The following NFATC2 variants were observed in gnomAD, a reference collection of about 807,000 sequenced individuals.
NFATC2 encodes the protein nuclear factor of activated T-cells, cytoplasmic 2.
A neutral mutation model predicts 87.3 loss-of-function variants in NFATC2; 22 were observed. That is an observed-to-expected ratio of 0.25 (90% confidence interval 0.18 to 0.36). NFATC2 has a LOEUF of 0.36. Ranked by LOEUF, NFATC2 falls within the 10% of genes least tolerant of loss-of-function variation. The probability of loss-of-function intolerance (pLI) is 1.00; values close to 1 mark genes in which losing one functional copy is unlikely to be tolerated. For synonymous variants in NFATC2, 565 were observed against 542.2 expected (o/e 1.04, Z -0.58); for missense variants, 1,149 against 1,259.1 (o/e 0.91, Z 1.32).
At chr20:51,526,660 T>A (rs1284908608) in intron 1 of NFATC2, among the ~76,000 whole-genome samples, 2 of 152,164 alleles carry the variant, frequency 1.3e-5, no homozygotes, top group East Asian at 3.9e-4. Flanking sequence ...GCCACCCCAG[T>A]GAGCCTCAGC....
At chr20:51,430,468 C>T (rs1364518620) in intron 9 of NFATC2, among the ~76,000 whole-genome samples, 1 of 152,212 alleles carries the variant, frequency 6.6e-6, no homozygotes, top group East Asian at 1.9e-4. Context: ...AAACAGAGCA[C>T]CATGACTTTA....
chr20:51,392,510 G>C (rs1986473985), intron 10 of NFATC2, among the ~76,000 whole-genome samples: 1 of 152,230 alleles, frequency 6.6e-6, no homozygotes, highest in South Asian at 2.1e-4. Context: ...TTGGAAAGAA[G>C]AAGGTGCTAT....
intron 5 of NFATC2, among the ~76,000 whole-genome samples, chr20:51,455,541 C>T (rs1986310809): frequency 6.6e-6 from 1 of 151,322 alleles, no homozygotes; most frequent in Non-Finnish European, 1.5e-5. Flanking sequence ...TGCTTTTCTC[C>T]ATAGAGCTTT....
intron 1 of NFATC2, among the ~76,000 whole-genome samples, chr20:51,525,080 C>T (rs1288531752): frequency 3.3e-5 from 5 of 151,940 alleles, no homozygotes; most frequent in African/African-American, 1.2e-4. Context: ...ATTAGCCAGG[C>T]GTGGTGGCAC....
chr20:51,491,855 C>G (rs987894204), intron 3 of NFATC2, among the ~76,000 whole-genome samples: 2 of 142,948 alleles, frequency 1.4e-5, no homozygotes, highest in African/African-American at 5.4e-5. Context: ...CAGCCCCACC[C>G]CCACCAACAC....
chr20:51,549,785 G>A (rs766842312), intron 1 of NFATC2, among the ~76,000 whole-genome samples: 37 of 152,212 alleles, frequency 2.4e-4, no homozygotes, highest in Non-Finnish European at 5.1e-4. Context: ...GCCGGGGCTC[G>A]CTTCATGGGA....
intron 1 of NFATC2, among the ~76,000 whole-genome samples, chr20:51,551,380 G>C (rs1042966780): frequency 1.3e-5 from 2 of 152,080 alleles, no homozygotes; most frequent in Non-Finnish European, 2.9e-5. Flanking sequence ...GAGTAATGTT[G>C]ATCTTGTCTT....
chr20:51,441,128 C>G (rs1380446365), intron 6 of NFATC2, among the ~76,000 whole-genome samples: 1 of 151,908 alleles, frequency 6.6e-6, no homozygotes, highest in Non-Finnish European at 1.5e-5. Flanking sequence ...ACTACAAATA[C>G]AAAAATTAGC....
chr20:51,453,374 C>T (rs1371291185), intron 6 of NFATC2, among the ~76,000 whole-genome samples: 2 of 152,174 alleles, frequency 1.3e-5, no homozygotes, highest in African/African-American at 4.8e-5. Context: ...GTGCACAATC[C>T]CTCCAACTGG....
intron 9 of NFATC2, among the ~76,000 whole-genome samples, chr20:51,414,454 C>T (rs936424270): frequency 1.1e-4 from 17 of 152,088 alleles, no homozygotes; most frequent in South Asian, 2.1e-4. Flanking sequence ...TTTGGGAGGC[C>T]GAGGTGGGCG....
At position 51,432,801 on chromosome 20, in the gene NFATC2, C is replaced by A; in HGVS notation, c.2033-45G>T. 6.8e-7 allele frequency: 1 copy of A among 1,471,506 alleles called. No individual in the cohort carries two copies. The highest frequency in any genetic ancestry group is 1.4e-5 in the South Asian group (1 of 73,530). The allele number at this position is 1,471,506 out of a possible 1,614,324, so 91.2% of individuals were successfully genotyped here. A position where few individuals can be genotyped will look rare whatever the true frequency, so the allele number is the denominator to read the frequency against. Reference sequence around the variant, plus strand: ...CATAGGGGCGCCCATGGCAGTGAGCCACGGATGTGCACGGAGGATTCGTGG... The same window carrying A: ...CATAGGGGCGCCCATGGCAGTGAGCAACGGATGTGCACGGAGGATTCGTGG... On this transcript the variant is annotated intron_variant, in intron 8 of 10. Transcript: ENST00000371564. This position sits in a 1 kb window ranked among gnomAD's most constrained non-coding sequence, Gnocchi z 4.6.
intron 3 of NFATC2, among the ~76,000 whole-genome samples, chr20:51,497,775 A>T (rs1329703411): frequency 6.6e-6 from 1 of 152,104 alleles, no homozygotes; most frequent in Non-Finnish European, 1.5e-5. Flanking sequence ...CGCTTTGGAC[A>T]CAATAAACAA....
intron 9 of NFATC2, among the ~76,000 whole-genome samples, chr20:51,412,315 G>A (rs139235904): frequency 6.6e-6 from 1 of 152,310 alleles, no homozygotes; most frequent in African/African-American, 2.4e-5. Context: ...ACCAAAAGGG[G>A]TGGCCCTCTT....
chr20:51,472,165 G>T (rs1600813662), intron 5 of NFATC2, among the ~76,000 whole-genome samples: 1 of 152,208 alleles, frequency 6.6e-6, no homozygotes, highest in African/African-American at 2.4e-5. Context: ...TGAGGCAGGA[G>T]AATCACTTGA....
chr20:51,545,398 C>T (rs573432527), upstream of NFATC2, among the ~76,000 whole-genome samples: 18 of 152,328 alleles, frequency 1.2e-4, no homozygotes, highest in East Asian at 2.1e-3. Context: ...CCCCAAGCAA[C>T]GAAGTGGATG....
chr20:51,536,680 T>C (rs2076725444), intron 1 of NFATC2, among the ~76,000 whole-genome samples: 1 of 151,826 alleles, frequency 6.6e-6, no homozygotes, highest in Non-Finnish European at 1.5e-5. Context: ...CAGGGAAGAG[T>C]GAGTGAGGCA....
At chr20:51,463,774 G>A (rs530134262) in intron 5 of NFATC2, among the ~76,000 whole-genome samples, 1 of 152,252 alleles carries the variant, frequency 6.6e-6, no homozygotes, top group East Asian at 1.9e-4. Context: ...CAAATGCTTC[G>A]AACAAATGAA....
chr20:51,487,559 C>A (rs530320275), intron 3 of NFATC2, among the ~76,000 whole-genome samples: 1 of 152,256 alleles, frequency 6.6e-6, no homozygotes, highest in East Asian at 1.9e-4. Flanking sequence ...AATGTTCCAC[C>A]AGAGACATCT....
At chr20:51,436,404 TTTTTTA>T (rs1328224408) in intron 6 of NFATC2, among the ~76,000 whole-genome samples, 4 of 151,098 alleles carry the variant, frequency 2.6e-5, no homozygotes, top group Non-Finnish European at 5.9e-5. Flanking sequence ...TTTTTTTTTT[TTTTTTA>T]AAAAGGCATT....
Sources: gnomAD v4.1 joint callset for allele counts (sites outside exome capture counted in the v4.1 genomes callset) on GRCh38, gnomAD v4.1.1 for gene constraint, Gnocchi (gnomAD v3.1) non-coding constraint, MANE v1.5 for transcripts, NCBI Gene and HGNC (gene_info 2026-07-23, HGNC 2026-07-21) for gene names.